The following ZNF644 variants were observed in gnomAD, a reference collection of about 807,000 sequenced individuals.
ZNF644 encodes the protein zinc finger protein 644.
ZNF644 carries 20 observed loss-of-function variants against 108.0 expected under a neutral mutation model. The observed-to-expected ratio is 0.19, with a 90% confidence interval of 0.13 to 0.27. The LOEUF is 0.27. Among genes scored for constraint, ZNF644 ranks in the 10% least tolerant of loss-of-function variants. The probability of loss-of-function intolerance (pLI) is 1.00; values close to 1 mark genes in which losing one functional copy is unlikely to be tolerated. For missense variants in ZNF644, 1,338 were observed against 1,548.9 expected (o/e 0.86, Z 2.29); for synonymous variants, 542 against 539.1 (o/e 1.01, Z -0.08).
Position 90,937,589 on chromosome 1 carries a change from T to A in ZNF644, c.3584A>T (p.Asn1195Ile). Reference protein sequence around the residue: ...NSAISPQKIHNQTARKRFVQK... With the variant: ...NSAISPQKIHIQTARKRFVQK... ...AACGAATCTCTTTCTTGCTGTCTGA[T>A]TATGGATCTTTTGAGGAGAAATAGC... is the stretch of plus-strand genomic sequence containing the variant. The change falls in exon 4 of 6, where the codon AAT (asparagine) becomes ATT (isoleucine). Residue 1195 changes from asparagine to isoleucine, a missense_variant. This residue lies in a region of ZNF644 where 287 missense variants were observed against 310.9 expected (regional missense o/e 0.92). Transcript: ENST00000337393. The A allele has an allele frequency of 6.2e-7, 1 of 1,613,954 alleles. No homozygotes were observed. The highest frequency in any genetic ancestry group is 8.5e-7 in the Non-Finnish European group (1 of 1,179,850).
At chr1:91,000,871 C>G (rs373661206) in intron 1 of ZNF644, among the ~76,000 whole-genome samples, 1 of 152,012 alleles carries the variant, frequency 6.6e-6, no homozygotes, top group South Asian at 2.1e-4. Flanking sequence ...CGATCCCACA[C>G]AAATACAAAC....
intron 1 of ZNF644, among the ~76,000 whole-genome samples, chr1:90,983,755 C>T (rs1026824631): frequency 3.9e-5 from 6 of 152,052 alleles, no homozygotes; most frequent in African/African-American, 9.7e-5. Context: ...GGTGAAACCC[C>T]GTCTCTACTA....
intron 2 of ZNF644, among the ~76,000 whole-genome samples, chr1:90,951,840 G>A (rs1164572824): frequency 6.6e-6 from 1 of 152,224 alleles, no homozygotes; most frequent in Non-Finnish European, 1.5e-5. Flanking sequence ...CAAGAAGAGA[G>A]CTGCCCAGAA....
At chr1:90,951,767 TCTAATA>T (rs1243595640) in intron 2 of ZNF644, among the ~76,000 whole-genome samples, 2 of 152,312 alleles carry the variant, frequency 1.3e-5, no homozygotes, top group African/African-American at 4.8e-5. Context: ...GCATCCCTCC[TCTAATA>T]CTAAGTTTCA....
In ZNF644 at chr1:90,938,663, C is replaced by T. The variant is rs770677304; in HGVS notation, c.2691G>A (p.Val897=). The T allele has an allele frequency of 3.1e-6, 5 of 1,611,112 alleles. No homozygotes were observed. Among genetic ancestry groups the T allele is most frequent in the Non-Finnish European group, 4.2e-6 (5 of 1,179,222 alleles). ...VNLFPLFKSK[V]EGQEPGENAT... is the part of the protein sequence containing the mutation. ...CATTTTCTCCAGGCTCCTGACCTTC[C>T]ACTTTGCTCTTAAATAAAGGGAATA... Residue 897 remains valine (V), a synonymous_variant, in exon 3 of 6, where the codon GTG becomes GTA. Coordinates refer to ENST00000337393, the MANE Select transcript of ZNF644 (RefSeq NM_201269.3). This position sits in a 1 kb window ranked among gnomAD's most constrained non-coding sequence, Gnocchi z 4.2.
intron 2 of ZNF644, among the ~76,000 whole-genome samples, chr1:90,951,774 C>T (rs1315459368): frequency 6.6e-6 from 1 of 152,188 alleles, no homozygotes; most frequent in Non-Finnish European, 1.5e-5. Context: ...TCCTCTAATA[C>T]TAAGTTTCAC....
chr1:90,923,598 C>T (rs1045993407), intron 4 of ZNF644, among the ~76,000 whole-genome samples: 1 of 152,106 alleles, frequency 6.6e-6, no homozygotes, highest in Non-Finnish European at 1.5e-5. Flanking sequence ...TTGATATTTT[C>T]ACTCTAAAAT....
At chr1:90,930,515 T>C (rs1354079129) in intron 4 of ZNF644, among the ~76,000 whole-genome samples, 1 of 152,170 alleles carries the variant, frequency 6.6e-6, no homozygotes, top group Non-Finnish European at 1.5e-5. Context: ...TCTAAGATAC[T>C]ACTACCATTG....
intron 5 of ZNF644, among the ~76,000 whole-genome samples, chr1:90,917,435 C>T (rs1327262658): frequency 6.6e-6 from 1 of 152,138 alleles, no homozygotes; most frequent in Non-Finnish European, 1.5e-5. Context: ...GAACTCAAGA[C>T]AACAAAACAT....
At chr1:90,969,266 A>C (rs1655228576) in intron 2 of ZNF644, among the ~76,000 whole-genome samples, 1 of 152,168 alleles carries the variant, frequency 6.6e-6, no homozygotes, top group Admixed American at 6.5e-5. Flanking sequence ...GTAAGGACAC[A>C]CGGAGAAGAC....
intron 1 of ZNF644, among the ~76,000 whole-genome samples, chr1:91,013,472 C>CACAT (rs1660155396): frequency 6.7e-6 from 1 of 149,428 alleles, no homozygotes; most frequent in African/African-American, 2.5e-5. Context: ...CACACACACA[C>CACAT]ACACACACAC....
chr1:90,952,145 GAA>G (rs1318190730), intron 2 of ZNF644, among the ~76,000 whole-genome samples: 1 of 152,120 alleles, frequency 6.6e-6, no homozygotes, highest in Non-Finnish European at 1.5e-5. Context: ...ACATTTATTT[GAA>G]TTTTTAAAAT....
At chr1:90,941,412 CT>C in intron 2 of ZNF644, 103 bp from the exon 3 acceptor site, 2 of 1,014,184 alleles carry the variant, frequency 2.0e-6, no homozygotes. Context: ...TAATTTTCTA[CT>C]CTTTATATTG....
At chr1:91,019,389 T>G (rs1371165455) in intron 1 of ZNF644, among the ~76,000 whole-genome samples, 2 of 152,192 alleles carry the variant, frequency 1.3e-5, no homozygotes, top group Non-Finnish European at 2.9e-5. Flanking sequence ...TCAAAGAAAT[T>G]TATCAAGTCC....
At chr1:90,927,453 C>T (rs966514187) in intron 4 of ZNF644, among the ~76,000 whole-genome samples, 1 of 151,934 alleles carries the variant, frequency 6.6e-6, no homozygotes, top group African/African-American at 2.4e-5. Flanking sequence ...CCAAAATACT[C>T]GATTAAATTA....
At chr1:90,990,462 C>A (rs535340368) in intron 1 of ZNF644, among the ~76,000 whole-genome samples, 18 of 151,958 alleles carry the variant, frequency 1.2e-4, no homozygotes, top group Admixed American at 2.0e-4. Flanking sequence ...CATTAGGCAA[C>A]CCCTGATGGT....
chr1:90,952,458 A>G (rs2101054547), intron 2 of ZNF644, among the ~76,000 whole-genome samples: 1 of 152,356 alleles, frequency 6.6e-6, no homozygotes, highest in South Asian at 2.1e-4. Flanking sequence ...AGAGGTCTAT[A>G]CAACAACTAG....
At chr1:90,924,000 C>T (rs1376287950) in intron 4 of ZNF644, among the ~76,000 whole-genome samples, 3 of 152,098 alleles carry the variant, frequency 2.0e-5, no homozygotes, top group Admixed American at 6.6e-5. Flanking sequence ...GAAGACTCCA[C>T]TATTTCAAAG....
chr1:91,007,462 C>T (rs1414467630), intron 1 of ZNF644, among the ~76,000 whole-genome samples: 1 of 151,908 alleles, frequency 6.6e-6, no homozygotes, highest in Non-Finnish European at 1.5e-5. Context: ...GATCCGCCCA[C>T]CTCGACCACC....
Sources: allele counts gnomAD v4.1 joint callset (sites outside exome capture counted in the v4.1 genomes callset), GRCh38; gene constraint gnomAD v4.1.1; regional missense constraint gnomAD v4.1.1; non-coding constraint Gnocchi (gnomAD v3.1); transcripts MANE v1.5; gene names NCBI Gene and HGNC (gene_info 2026-07-23, HGNC 2026-07-21).